Variants in SENP8 observed in about 807,000 individuals in gnomAD.
The protein encoded by SENP8 is sentrin-specific protease 8.
Under a neutral mutation model 14.4 loss-of-function variants are expected in SENP8, and 10 were observed. The observed-to-expected ratio is 0.69, with a 90% CI of 0.43 to 1.18. SENP8 has a LOEUF of 1.18. Ranked by LOEUF, SENP8 falls within the 50% of genes most tolerant of loss-of-function variation. The probability of loss-of-function intolerance (pLI) is 0.00; values close to 1 mark genes in which losing one functional copy is unlikely to be tolerated. For missense variants in SENP8, 202 were observed against 249.4 expected, an observed-to-expected ratio of 0.81 and a Z score of 1.28; for synonymous variants, 94 against 95.5, an observed-to-expected ratio of 0.98 and a Z score of 0.09.
chr15:72,114,554 G>T (rs924885488), upstream of SENP8: 1 of 152,084 alleles, frequency 6.6e-6, no homozygotes, highest in African/African-American at 2.4e-5. Flanking sequence ...GTAGGAAATC[G>T]GGGGGAAGAA....
chr15:72,128,237 T>G lies in SENP8; in HGVS notation c.-48+9773T>G, dbSNP rs192241143. On this transcript the variant is annotated intron_variant, in intron 1 of 1. Coordinates refer to ENST00000340912, the MANE Select transcript of SENP8 (RefSeq NM_145204.4). ...AACCAGGTTCAATTTTCAGTCTGATTATGGCAGGCAAAATTGGGACACATA... is the reference window on the plus strand; with the variant it reads ...AACCAGGTTCAATTTTCAGTCTGATGATGGCAGGCAAAATTGGGACACATA... Among the ~76,000 whole-genome samples, 15 of 152,342 alleles carry G rather than the reference T, an allele frequency of 9.8e-5. No homozygotes were observed. In the East Asian group the frequency reaches 2.9e-3, roughly 29 times the overall value.
At chr15:72,135,699 A>G (rs1567070328) in intron 1 of SENP8, among the ~76,000 whole-genome samples, 2 of 152,248 alleles carry the variant, frequency 1.3e-5, no homozygotes, top group Non-Finnish European at 2.9e-5. Context: ...TAAGGCCTTG[A>G]TTAACATTTT....
At chr15:72,138,763 C>A (rs1334999535) in intron 1 of SENP8, among the ~76,000 whole-genome samples, 1 of 151,112 alleles carries the variant, frequency 6.6e-6, no homozygotes, top group Admixed American at 6.6e-5. Flanking sequence ...GAATTCGAGA[C>A]CAGCCTGGCT....
rs1044850420 is a variant in SENP8 at position 72,128,097 on chromosome 15, AGAGAGAGGGAAAGGGGAGAGGG to A, written c.-48+9644_-48+9665del. On this transcript the variant is annotated intron_variant, in intron 1 of 1. Coordinates refer to ENST00000340912, the MANE Select transcript of SENP8 (RefSeq NM_145204.4). ...AACAGAGTGAGACGTTTTCAAAGAAAGAGAGAGGGAAAGGGGAGAGGGGAGAGAGGGAGGGGAGGGGAAGAAG... is the reference window on the plus strand; with the variant it reads ...AACAGAGTGAGACGTTTTCAAAGAAAGAGAGAGGGAGGGGAGGGGAAGAAG... Among the ~76,000 whole-genome samples the A allele has an allele frequency of 7.3e-5, 11 of 150,402 alleles. No homozygotes were observed. In the South Asian group the frequency reaches 1.3e-3, roughly 18 times the overall value.
chr15:72,118,317 C>T (rs192977724), upstream of SENP8: 317 of 222,372 alleles, frequency 1.4e-3, 12 homozygotes, highest in Admixed American at 0.017. Flanking sequence ...TACGGCAGAG[C>T]AGGGAACTCA....
At chr15:72,125,236 A>G (rs887255924) in intron 1 of SENP8, among the ~76,000 whole-genome samples, 44 of 152,328 alleles carry the variant, frequency 2.9e-4, no homozygotes, top group African/African-American at 1.0e-3. Context: ...CATGTATGAC[A>G]GTCCTATCAA....
At chr15:72,125,453 T>A (rs2081207994) in intron 1 of SENP8, among the ~76,000 whole-genome samples, 1 of 152,188 alleles carries the variant, frequency 6.6e-6, no homozygotes, top group Non-Finnish European at 1.5e-5. Flanking sequence ...CTAACAATTT[T>A]TTTTTTACTT....
chr15:72,126,546 A>T (rs2081221212), intron 1 of SENP8, among the ~76,000 whole-genome samples: 1 of 151,980 alleles, frequency 6.6e-6, no homozygotes. Context: ...AATCGCTTGA[A>T]CCCAGGCAGC....
At chr15:72,135,870 G>A (rs930770646) in intron 1 of SENP8, among the ~76,000 whole-genome samples, 2 of 152,200 alleles carry the variant, frequency 1.3e-5, no homozygotes, top group Non-Finnish European at 2.9e-5. Flanking sequence ...GGTTGGTGTT[G>A]AAGACTGGGT....
At chr15:72,117,647 T>G, upstream of SENP8, 1 of 395,606 alleles carries the variant, frequency 2.5e-6, no homozygotes, top group Non-Finnish European at 4.5e-6. Context: ...CAGGACGGGC[T>G]GCAGGGCCGC....
intron 1 of SENP8, among the ~76,000 whole-genome samples, chr15:72,127,353 T>A (rs1430179737): frequency 6.6e-6 from 1 of 152,212 alleles, no homozygotes; most frequent in Non-Finnish European, 1.5e-5. Context: ...TTGTTTTGGC[T>A]GCCCTGAGAC....
At chr15:72,117,650 A>G, upstream of SENP8, 1 of 395,388 alleles carries the variant, frequency 2.5e-6, no homozygotes, top group Non-Finnish European at 4.5e-6. Flanking sequence ...GACGGGCTGC[A>G]GGGCCGCTGG....
chr15:72,140,143 T>C lies in SENP8; in HGVS notation c.520T>C (p.Leu174=). ...GTACGTGATATGTAACACTGAGGCCTTGTGTCAGAACTTCTTTAGGCAACA... is the reference window on the plus strand; with the variant it reads ...GTACGTGATATGTAACACTGAGGCCCTGTGTCAGAACTTCTTTAGGCAACA... ...GMYVICNTEA[L]CQNFFRQQTE... The change falls in exon 2 of 2, where the codon TTG becomes CTG. Residue 174 remains leucine, a synonymous_variant. Transcript: ENST00000340912. The C allele has an allele frequency of 6.2e-7, 1 of 1,614,140 alleles. No individual in the cohort carries two copies. Among genetic ancestry groups the C allele is most frequent in the Middle Eastern group, 1.6e-4 (1 of 6,062 alleles).
chr15:72,117,167 G>A (rs1445216345), upstream of SENP8: 1 of 152,232 alleles, frequency 6.6e-6, no homozygotes, highest in African/African-American at 2.4e-5. Flanking sequence ...TCTACCGGGA[G>A]TAAGAACACC....
upstream of SENP8, among the ~76,000 whole-genome samples, chr15:72,115,814 AT>A (rs1459101957): frequency 6.6e-6 from 1 of 152,190 alleles, no homozygotes; most frequent in East Asian, 1.9e-4. Flanking sequence ...ATCATCAGGA[AT>A]TTTTTTCAAC....
chr15:72,117,891 G>A (rs1288673316), upstream of SENP8: 2 of 398,424 alleles, frequency 5.0e-6, no homozygotes, highest in Admixed American at 4.4e-5. Flanking sequence ...CGCCCGGCCT[G>A]AGCAGGCACA....
rs1336049180 is a variant in SENP8 at position 72,142,841 on chromosome 15, T to C, written c.*2579T>C. The C allele has an allele frequency of 6.6e-6, 1 of 152,254 alleles. No individual in the cohort carries two copies. The highest frequency in any genetic ancestry group is 6.5e-5 in the Admixed American group (1 of 15,286). The allele number at this position is 152,254 out of a possible 1,614,324, so 9.4% of individuals were successfully genotyped here. On this transcript the variant is annotated 3_prime_UTR_variant, in exon 2 of 2. Transcript: ENST00000340912. The stretch of plus-strand genomic sequence containing the variant: ...TTGACTATACTATAATTTTACAATA[T>C]GCATATTGACCGTATGTTTTAATAA...
At chr15:72,130,484 A>C (rs2081262231) in intron 1 of SENP8, among the ~76,000 whole-genome samples, 1 of 152,010 alleles carries the variant, frequency 6.6e-6, no homozygotes, top group South Asian at 2.1e-4. Context: ...TTATAGAAGC[A>C]GGCAGTGGGC....
At chr15:72,128,488 CAG>C (rs1322874951) in intron 1 of SENP8, among the ~76,000 whole-genome samples, 2 of 152,164 alleles carry the variant, frequency 1.3e-5, no homozygotes, top group African/African-American at 4.8e-5. Context: ...CTGAATGAAA[CAG>C]AAAAAATTGC....
Sources: allele counts gnomAD v4.1 joint callset (sites outside exome capture counted in the v4.1 genomes callset), GRCh38; gene constraint gnomAD v4.1.1; transcripts MANE v1.5; gene names NCBI Gene and HGNC (gene_info 2026-07-23, HGNC 2026-07-21).